The following COL26A1 variants were observed in gnomAD, a reference collection of about 807,000 sequenced individuals.
COL26A1 encodes collagen alpha-1(XXVI) chain.
A neutral mutation model predicts 59.3 loss-of-function variants in COL26A1; 41 were observed. The ratio of observed to expected loss-of-function variants is 0.69; its 90% CI spans 0.54 to 0.90. COL26A1 has a LOEUF of 0.90. Ranked by LOEUF, COL26A1 falls within the 40% of genes least tolerant of loss-of-function variation. COL26A1 has a pLI of 0.00. For synonymous variants in COL26A1, 266 were observed against 256.0 expected, an observed-to-expected ratio of 1.04 and a Z score of -0.37; for missense variants, 612 against 602.3, an observed-to-expected ratio of 1.02 and a Z score of -0.17.
In COL26A1 at chr7:101,558,566, C is replaced by T; in HGVS notation, c.*1036C>T. The T allele has an allele frequency of 6.6e-6, 1 of 152,260 alleles. No homozygotes were observed. Among genetic ancestry groups the T allele is most frequent in the African/African-American group, 2.4e-5 (1 of 41,442 alleles). 9.4% of individuals were successfully genotyped at this position (152,260 alleles called of 1,614,324 possible). A position where few individuals can be genotyped will look rare whatever the true frequency, so the allele number is the denominator to read the frequency against. ...AAGCTGCAGAGAGGGAAACAGAGTC[C>T]CAGGCCTGCTGGGAAGAGATGCTCC... On this transcript the variant is annotated 3_prime_UTR_variant, in exon 13 of 13. Transcript: ENST00000313669.
intron 2 of COL26A1, among the ~76,000 whole-genome samples, chr7:101,421,591 C>T (rs554917063): frequency 9.2e-5 from 14 of 151,884 alleles, no homozygotes; most frequent in African/African-American, 3.4e-4. Context: ...AGGAGAATCA[C>T]TTGAACCCAG....
intron 1 of COL26A1, among the ~76,000 whole-genome samples, chr7:101,367,959 A>G (rs1020465449): frequency 1.3e-5 from 2 of 150,316 alleles, no homozygotes; most frequent in Non-Finnish European, 2.9e-5. Context: ...ATTCAGCAGA[A>G]CACCACTGTC....
chr7:101,485,772 G>C (rs1584450810), intron 3 of COL26A1, among the ~76,000 whole-genome samples: 1 of 152,152 alleles, frequency 6.6e-6, no homozygotes, highest in Non-Finnish European at 1.5e-5. Context: ...GGGAGCAGTG[G>C]GAGGCAGAGG....
chr7:101,554,236 G>C (rs1348593083), intron 11 of COL26A1, among the ~76,000 whole-genome samples: 1 of 152,140 alleles, frequency 6.6e-6, no homozygotes, highest in African/African-American at 2.4e-5. Context: ...GGTTTCCCTT[G>C]AGTGTGTCAA....
chr7:101,517,199 C>G (rs911308991), intron 3 of COL26A1, among the ~76,000 whole-genome samples: 2 of 152,140 alleles, frequency 1.3e-5, no homozygotes, highest in African/African-American at 4.8e-5. Context: ...TGCCACCAAG[C>G]AGGTAGCTTC....
At chr7:101,462,886 T>C (rs747141263) in intron 3 of COL26A1, among the ~76,000 whole-genome samples, 1 of 151,772 alleles carries the variant, frequency 6.6e-6, no homozygotes, top group Non-Finnish European at 1.5e-5. Flanking sequence ...CCTGGATCTG[T>C]TCAGATGCAG....
At chr7:101,388,221 C>G (rs147723194) in intron 1 of COL26A1, among the ~76,000 whole-genome samples, 1 of 151,726 alleles carries the variant, frequency 6.6e-6, no homozygotes, top group African/African-American at 2.4e-5. Context: ...GCCTGTAATC[C>G]CAGTACTTTG....
intron 2 of COL26A1, among the ~76,000 whole-genome samples, chr7:101,442,285 G>A (rs944311657): frequency 6.6e-6 from 1 of 151,894 alleles, no homozygotes; most frequent in Non-Finnish European, 1.5e-5. Flanking sequence ...GCAGATCTGC[G>A]GCAGCAAGAG....
intron 3 of COL26A1, among the ~76,000 whole-genome samples, chr7:101,456,930 G>A (rs11768890): frequency 0.44 from 66,775 of 151,970 alleles, 15,459 homozygotes; most frequent in Middle Eastern, 0.54. Flanking sequence ...CCTGCCTGCC[G>A]CCCAGACAAA....
intron 3 of COL26A1, among the ~76,000 whole-genome samples, chr7:101,517,376 GAAA>G (rs111373059): frequency 6.6e-6 from 1 of 151,872 alleles, no homozygotes; most frequent in Non-Finnish European, 1.5e-5. Context: ...GCAATTTACA[GAAA>G]AAAAGAGGTT....
At chr7:101,555,732 G>T in intron 11 of COL26A1, 55 bp from the exon 12 acceptor site, 1 of 1,380,710 alleles carries the variant, frequency 7.2e-7, no homozygotes. Flanking sequence ...TATCAGGATG[G>T]CCCTGACCCC....
chr7:101,552,495 T>G (rs1298356206), intron 10 of COL26A1, among the ~76,000 whole-genome samples: 1 of 152,150 alleles, frequency 6.6e-6, no homozygotes, highest in Non-Finnish European at 1.5e-5. Context: ...TGCGTGCCCA[T>G]AGTCCTAGTT....
At chr7:101,369,531 C>G (rs1166371112) in intron 1 of COL26A1, among the ~76,000 whole-genome samples, 1 of 142,150 alleles carries the variant, frequency 7.0e-6, no homozygotes, top group African/African-American at 2.6e-5. Context: ...TCACTGCAAG[C>G]TCTGCCTCCC....
chr7:101,497,520 C>CA (rs1393923459), intron 3 of COL26A1, among the ~76,000 whole-genome samples: 1 of 150,832 alleles, frequency 6.6e-6, no homozygotes, highest in Non-Finnish European at 1.5e-5. Flanking sequence ...ACAAAAAATA[C>CA]AAAAAATTGG....
At chr7:101,551,038 G>C in intron 9 of COL26A1, 70 bp from the exon 10 acceptor site, 1 of 1,467,804 alleles carries the variant, frequency 6.8e-7, no homozygotes, top group Non-Finnish European at 9.3e-7. Flanking sequence ...CGGGGAGGGG[G>C]GTGGCCAGAG....
At chr7:101,525,493 G>GT (rs1430732164) in intron 3 of COL26A1, among the ~76,000 whole-genome samples, 1 of 121,830 alleles carries the variant, frequency 8.2e-6, no homozygotes, top group African/African-American at 3.1e-5. Flanking sequence ...TGACTTCACT[G>GT]TTTTTTTGGT....
chr7:101,369,268 A>G (rs966511974), intron 1 of COL26A1, among the ~76,000 whole-genome samples: 2 of 151,742 alleles, frequency 1.3e-5, no homozygotes, highest in Admixed American at 6.6e-5. Context: ...TTAGCTGGGC[A>G]TGGTGGCGCA....
intron 3 of COL26A1, among the ~76,000 whole-genome samples, chr7:101,493,121 A>G (rs1794502553): frequency 6.6e-6 from 1 of 152,120 alleles, no homozygotes; most frequent in Admixed American, 6.6e-5. Context: ...TTATTCAGGG[A>G]CATTCAGCCG....
intron 3 of COL26A1, among the ~76,000 whole-genome samples, chr7:101,504,386 C>T (rs1794764609): frequency 6.6e-6 from 1 of 152,198 alleles, no homozygotes; most frequent in Admixed American, 6.5e-5. Context: ...CAGGCATGAG[C>T]CACGGTGCCC....
Sources: gnomAD v4.1 joint callset for allele counts (sites outside exome capture counted in the v4.1 genomes callset) on GRCh38, gnomAD v4.1.1 for gene constraint, MANE v1.5 for transcripts, NCBI Gene and HGNC (gene_info 2026-07-23, HGNC 2026-07-21) for gene names.